IMMP2L: variants seen among roughly 807,000 people sequenced by gnomAD.
IMMP2L encodes mitochondrial inner membrane protease subunit 2.
A neutral mutation model predicts 19.3 loss-of-function variants in IMMP2L; 18 were observed. The observed-to-expected ratio is 0.93, with a 90% CI of 0.64 to 1.38. IMMP2L has a LOEUF of 1.38. Among genes scored for constraint, IMMP2L ranks in the 40% most tolerant of loss-of-function variants. IMMP2L has a pLI of 0.00. For synonymous variants in IMMP2L, 76 were observed against 73.0 expected, an observed-to-expected ratio of 1.04 and a Z score of -0.21; for missense variants, 233 against 218.2, an observed-to-expected ratio of 1.07 and a Z score of -0.43.
At chr7:110,915,657 T>C (rs571381866) in intron 4 of IMMP2L, among the ~76,000 whole-genome samples, 143 of 152,312 alleles carry the variant, frequency 9.4e-4, no homozygotes, top group African/African-American at 3.3e-3. Flanking sequence ...CTATAGATAG[T>C]GACATATGTG....
chr7:111,028,649 G>A (rs937149872), intron 3 of IMMP2L, among the ~76,000 whole-genome samples: 4 of 151,978 alleles, frequency 2.6e-5, no homozygotes, highest in African/African-American at 9.7e-5. Context: ...TTTCAAGATG[G>A]GCCTCATTAT....
At chr7:111,318,685 A>G (rs936370856) in intron 3 of IMMP2L, among the ~76,000 whole-genome samples, 1 of 151,948 alleles carries the variant, frequency 6.6e-6, no homozygotes, top group Non-Finnish European at 1.5e-5. Context: ...TAAAGACAAT[A>G]CCTTACCAAG....
At chr7:111,265,797 A>G (rs1460056820) in intron 3 of IMMP2L, among the ~76,000 whole-genome samples, 3 of 152,190 alleles carry the variant, frequency 2.0e-5, no homozygotes, top group Non-Finnish European at 2.9e-5. Context: ...TATGAGAAAG[A>G]AAGAGAAAGA....
chr7:111,307,410 G>C (rs1822998421), intron 3 of IMMP2L, among the ~76,000 whole-genome samples: 1 of 151,594 alleles, frequency 6.6e-6, no homozygotes, highest in South Asian at 2.1e-4. Flanking sequence ...TTTTAGTCCT[G>C]ATCTTTGCAC....
chr7:110,683,437 T>C (rs1792877726), intron 5 of IMMP2L, among the ~76,000 whole-genome samples: 1 of 152,140 alleles, frequency 6.6e-6, no homozygotes, highest in Admixed American at 6.6e-5. Context: ...ACAAAGATGC[T>C]ACCAAAAGTG....
chr7:110,771,248 G>A (rs2131022285), intron 5 of IMMP2L, among the ~76,000 whole-genome samples: 1 of 152,232 alleles, frequency 6.6e-6, no homozygotes, highest in East Asian at 1.9e-4. Flanking sequence ...TCACTGAGGA[G>A]GATCAAGTCA....
chr7:110,718,869 G>A (rs1224296043), intron 5 of IMMP2L, among the ~76,000 whole-genome samples: 1 of 152,090 alleles, frequency 6.6e-6, no homozygotes, highest in Non-Finnish European at 1.5e-5. Flanking sequence ...GAGCACTCAG[G>A]GCACAAATTA....
At chr7:111,095,152 G>T (rs2129578556) in intron 3 of IMMP2L, among the ~76,000 whole-genome samples, 1 of 152,024 alleles carries the variant, frequency 6.6e-6, no homozygotes, top group Admixed American at 6.6e-5. Flanking sequence ...GAATAAAGAG[G>T]GGAGACATGC....
chr7:111,273,888 G>A (rs1367322614), intron 3 of IMMP2L, among the ~76,000 whole-genome samples: 1 of 152,194 alleles, frequency 6.6e-6, no homozygotes, highest in East Asian at 1.9e-4. Context: ...AAATACCAAA[G>A]TCATCAGTTT....
intron 2 of IMMP2L, among the ~76,000 whole-genome samples, chr7:111,500,582 T>C (rs1245698088): frequency 6.6e-6 from 1 of 152,140 alleles, no homozygotes; most frequent in Non-Finnish European, 1.5e-5. Flanking sequence ...ACACCTCACA[T>C]GGCCGGGTAC....
chr7:111,299,586 A>G (rs1413570440), intron 3 of IMMP2L, among the ~76,000 whole-genome samples: 1 of 151,958 alleles, frequency 6.6e-6, no homozygotes, highest in East Asian at 1.9e-4. Context: ...AAAAAAAAAA[A>G]AAAAGAAATG....
chr7:111,522,349 ACAAT>A (rs2132685194), intron 1 of IMMP2L, among the ~76,000 whole-genome samples: 1 of 152,218 alleles, frequency 6.6e-6, no homozygotes, highest in East Asian at 1.9e-4. Context: ...TGTGCAGCAA[ACAAT>A]CAACGTAATG....
At chr7:111,391,955 C>T (rs1210601200) in intron 3 of IMMP2L, 1 of 703,156 alleles carries the variant, frequency 1.4e-6, no homozygotes, top group Admixed American at 2.0e-5. Context: ...CAATCTTAGG[C>T]TAACTCTTCT....
At chr7:110,961,951 T>G (rs868073632) in intron 4 of IMMP2L, among the ~76,000 whole-genome samples, 8 of 151,928 alleles carry the variant, frequency 5.3e-5, no homozygotes, top group African/African-American at 1.9e-4. Flanking sequence ...AGAGAACTTT[T>G]GAAGGTAACA....
Position 111,562,094 on chromosome 7 carries a change from AG to A in IMMP2L, c.-247del, listed in dbSNP as rs1169299409. On this transcript the variant is annotated 5_prime_UTR_variant, in exon 1 of 6. Coordinates refer to ENST00000405709, the MANE Select transcript of IMMP2L (RefSeq NM_032549.4). ...TAGGCCCCTTTGTGAGGACTGGGAGAGGGCGCGTTGTTGGGGCGCCGGCTCG... is the reference window on the plus strand; with the variant it reads ...TAGGCCCCTTTGTGAGGACTGGGAGAGGCGCGTTGTTGGGGCGCCGGCTCG... The A allele has an allele frequency of 6.6e-6, 1 of 152,214 alleles. No homozygotes were observed. The highest frequency in any genetic ancestry group is 2.4e-5 in the African/African-American group (1 of 41,400). The allele number at this position is 152,214 out of a possible 1,614,324, so 9.4% of individuals were successfully genotyped here.
At chr7:111,084,586 A>G (rs1796154535) in intron 3 of IMMP2L, among the ~76,000 whole-genome samples, 1 of 152,210 alleles carries the variant, frequency 6.6e-6, no homozygotes, top group Non-Finnish European at 1.5e-5. Flanking sequence ...AAGAGAGCAT[A>G]TAAAGAACAG....
At chr7:111,258,223 A>G (rs28829) in intron 3 of IMMP2L, among the ~76,000 whole-genome samples, 83,841 of 151,932 alleles carry the variant, frequency 0.55, 23,648 homozygotes, top group South Asian at 0.72. Context: ...CTCAATGATG[A>G]AGATATTTGG....
At chr7:111,339,006 T>G (rs1406065437) in intron 3 of IMMP2L, among the ~76,000 whole-genome samples, 1 of 152,118 alleles carries the variant, frequency 6.6e-6, no homozygotes, top group Non-Finnish European at 1.5e-5. Context: ...GGATTTTATT[T>G]GTACAAACGA....
At position 111,367,867 on chromosome 7, in the gene IMMP2L, G is replaced by A. The variant is rs550494875; in HGVS notation, c.239+119371C>T. Among the ~76,000 whole-genome samples the A allele has an allele frequency of 5.9e-5, 9 of 151,808 alleles. No individual in the cohort carries two copies. The Middle Eastern group carries it at 0.01, about 172-fold the overall frequency. On this transcript the variant is annotated intron_variant, in intron 3 of 5. Coordinates refer to ENST00000405709, the MANE Select transcript of IMMP2L (RefSeq NM_032549.4). ...ATGCCCATATAGTACTTTAAAACCAGTGGATAAGCAATAGATGATAGCTAT... is the reference window on the plus strand; with the variant it reads ...ATGCCCATATAGTACTTTAAAACCAATGGATAAGCAATAGATGATAGCTAT...
Sources: allele counts gnomAD v4.1 joint callset (sites outside exome capture counted in the v4.1 genomes callset), GRCh38; gene constraint gnomAD v4.1.1; transcripts MANE v1.5; gene names NCBI Gene and HGNC (gene_info 2026-07-23, HGNC 2026-07-21).